CDC7: variants seen among roughly 807,000 people sequenced by gnomAD.
CDC7 encodes cell division cycle 7.
Under a neutral mutation model 53.5 loss-of-function variants are expected in CDC7, and 34 were observed. The observed-to-expected ratio is 0.64, with a 90% CI of 0.48 to 0.85. The LOEUF (loss-of-function observed/expected upper bound fraction) is 0.85. CDC7 is among the 40% of genes least tolerant of loss of function. The probability of loss-of-function intolerance (pLI) is 0.00; values close to 1 mark genes in which losing one functional copy is unlikely to be tolerated. For missense variants in CDC7, 594 were observed against 679.7 expected (o/e 0.87, Z 1.40); for synonymous variants, 211 against 222.8 (o/e 0.95, Z 0.47).
At chr1:91,503,607 C>G (rs1441148457) in intron 2 of CDC7, among the ~76,000 whole-genome samples, 1 of 152,102 alleles carries the variant, frequency 6.6e-6, no homozygotes, top group Non-Finnish European at 1.5e-5. Flanking sequence ...AAGTAAAATA[C>G]TTAGTGTAAT....
At chr1:91,520,048 A>G in intron 10 of CDC7, 82 bp from the exon 11 acceptor site, 3 of 1,130,162 alleles carry the variant, frequency 2.7e-6, no homozygotes, top group Non-Finnish European at 2.4e-6. Context: ...ATTCTAATGC[A>G]TAATAAATGT....
In CDC7 at chr1:91,520,356, A is replaced by G. The variant is rs531534664; in HGVS notation, c.1330+77A>G. The G allele has an allele frequency of 3.0e-5, 36 of 1,203,232 alleles. No homozygotes were observed. In the East Asian group the frequency reaches 8.6e-4, roughly 29 times the overall value. 74.5% of individuals were successfully genotyped at this position (1,203,232 alleles called of 1,614,324 possible). A position where few individuals can be genotyped will look rare whatever the true frequency, so the allele number is the denominator to read the frequency against. On this transcript the variant is annotated intron_variant, in intron 11 of 11. Coordinates refer to ENST00000234626, the MANE Select transcript of CDC7 (RefSeq NM_003503.4). The stretch of plus-strand genomic sequence containing the variant: ...ACAAATCACTTAATAAATTATTGTG[A>G]AATTTTCTTTACAAATAAACATTCA...
chr1:91,509,371 C>CA (rs200506949), intron 4 of CDC7, among the ~76,000 whole-genome samples: 3,319 of 103,360 alleles, frequency 0.032, 73 homozygotes, highest in African/African-American at 0.075. Context: ...CTTAACATAC[C>CA]AAAAAAAAAA....
intron 11 of CDC7, 127 bp from the exon 12 acceptor site, chr1:91,523,894 CTGTGTGTGTGTGTGTGTGTG>C: frequency 7.2e-6 from 4 of 555,748 alleles, no homozygotes; most frequent in South Asian, 2.5e-5. Context: ...CTATCTCATA[CTGTGTGTGTGTGTGTGTGTG>C]TGTGTGTGTG....
intron 2 of CDC7, among the ~76,000 whole-genome samples, chr1:91,502,921 A>G (rs1666778890): frequency 6.6e-6 from 1 of 152,066 alleles, no homozygotes; most frequent in Non-Finnish European, 1.5e-5. Flanking sequence ...CCATTTTTCC[A>G]GCAGTTAGCT....
At chr1:91,519,256 C>CAAAAAAA (rs71087957) in intron 10 of CDC7, among the ~76,000 whole-genome samples, 6 of 60,174 alleles carry the variant, frequency 1.0e-4, no homozygotes, top group Non-Finnish European at 2.1e-4. Flanking sequence ...ACTAAAAATA[C>CAAAAAAA]AAAAAAAAAA....
chr1:91,520,290 T>C lies in CDC7; in HGVS notation c.1330+11T>C. ...CTGCTAAAACTTTTGGTAAGCAGTT[T>C]TGTATTATAGAACCAAACAAAATGC... On this transcript the variant is annotated intron_variant, in intron 11 of 11. Coordinates refer to ENST00000234626, the MANE Select transcript of CDC7 (RefSeq NM_003503.4). The C allele has an allele frequency of 6.4e-7, 1 of 1,574,624 alleles. No individual in the cohort carries two copies. The highest frequency in any genetic ancestry group is 1.2e-5 in the South Asian group (1 of 83,036).
intron 10 of CDC7, among the ~76,000 whole-genome samples, chr1:91,517,294 G>A (rs894211143): frequency 2.5e-4 from 38 of 152,128 alleles, no homozygotes; most frequent in African/African-American, 8.7e-4. Context: ...GAATTTGTCC[G>A]GGTGAGAGGA....
intron 10 of CDC7, among the ~76,000 whole-genome samples, chr1:91,516,766 TA>T (rs1177822875): frequency 5.3e-5 from 8 of 152,140 alleles, no homozygotes; most frequent in Non-Finnish European, 1.0e-4. Flanking sequence ...TACAGGAAAC[TA>T]AAAAAGTTTC....
chr1:91,503,859 C>T (rs1374706495), intron 2 of CDC7, among the ~76,000 whole-genome samples: 4 of 151,846 alleles, frequency 2.6e-5, no homozygotes, highest in Non-Finnish European at 5.9e-5. Flanking sequence ...AAAAGAGAAC[C>T]AGAATATGGG....
At chr1:91,520,344 T>G (rs1667868111) in intron 11 of CDC7, 65 bp downstream of exon 11, 1 of 1,253,230 alleles carries the variant, frequency 8.0e-7, no homozygotes, top group Non-Finnish European at 1.1e-6. Context: ...AATCACTTAA[T>G]AAATTATTGT....
intron 2 of CDC7, among the ~76,000 whole-genome samples, chr1:91,505,269 G>A (rs1344016218): frequency 1.3e-5 from 2 of 152,162 alleles, no homozygotes; most frequent in African/African-American, 2.4e-5. Context: ...GAATGGGGAA[G>A]GTAATTGGAA....
rs1045363467 is a variant in CDC7, at chr1:91,520,274, C to CTT, written c.1328_1329dup (p.Gly444LeufsTer16). On this transcript the variant is annotated frameshift_variant, in exon 11 of 12. Coordinates refer to ENST00000234626, the MANE Select transcript of CDC7 (RefSeq NM_003503.4). LOFTEE classifies it low-confidence loss of function (END_TRUNC). The stretch of plus-strand genomic sequence containing the variant: ...AGAGAAACTATCCAAGCTGCTAAAA[C>CTT]TTTTGGTAAGCAGTTTTGTATTATA... 12 of 1,593,506 alleles carry CTT rather than the reference C, an allele frequency of 7.5e-6. No homozygotes were observed. The highest frequency in any genetic ancestry group is 1.0e-5 in the Non-Finnish European group (12 of 1,172,018).
chr1:91,515,619 CA>C (rs1397833296), intron 9 of CDC7, 174 bp from the exon 10 acceptor site: 1 of 338,444 alleles, frequency 3.0e-6, no homozygotes, highest in Non-Finnish European at 4.2e-6. Flanking sequence ...GGGTAAAAAA[CA>C]GAAGAAGAAA....
chr1:91,515,100 C>T, intron 9 of CDC7, 103 bp downstream of exon 9: 1 of 819,174 alleles, frequency 1.2e-6, no homozygotes. Context: ...CAGTTCAGAT[C>T]AGTGAACTGC....
chr1:91,523,940 C>T, intron 11 of CDC7, 101 bp from the exon 12 acceptor site: 1 of 752,680 alleles, frequency 1.3e-6, no homozygotes, highest in Non-Finnish European at 2.1e-6. Flanking sequence ...GTCTATAAAG[C>T]ATATGTTTGA....
intron 2 of CDC7, among the ~76,000 whole-genome samples, chr1:91,506,011 T>C (rs1280429246): frequency 6.6e-6 from 1 of 152,134 alleles, no homozygotes; most frequent in Non-Finnish European, 1.5e-5. Context: ...ATTGTTATTA[T>C]TGTTATTATT....
At chr1:91,519,523 A>G (rs942615389) in intron 10 of CDC7, among the ~76,000 whole-genome samples, 2 of 152,172 alleles carry the variant, frequency 1.3e-5, no homozygotes, top group African/African-American at 4.8e-5. Context: ...GGATGTGATT[A>G]TTACACACTG....
chr1:91,519,302 G>T (rs139831035), intron 10 of CDC7, among the ~76,000 whole-genome samples: 1 of 144,422 alleles, frequency 6.9e-6, no homozygotes, highest in Non-Finnish European at 1.5e-5. Flanking sequence ...ATGGTGACAT[G>T]CCTGTAATCC....
Sources: allele counts gnomAD v4.1 joint callset (sites outside exome capture counted in the v4.1 genomes callset), GRCh38; gene constraint gnomAD v4.1.1; transcripts MANE v1.5; gene names NCBI Gene and HGNC (gene_info 2026-07-23, HGNC 2026-07-21).